GOSR2: variants seen among roughly 807,000 people sequenced by gnomAD.
GOSR2 encodes golgi SNAP receptor complex member 2, also known as 27 kDa Golgi SNARE protein.
A neutral mutation model predicts 27.9 loss-of-function variants in GOSR2; 20 were observed. The observed-to-expected ratio is 0.72, with a 90% confidence interval of 0.50 to 1.04. The LOEUF (loss-of-function observed/expected upper bound fraction) is 1.04, where lower values mean the gene tolerates loss of function less well. Among genes scored for constraint, GOSR2 ranks in the 50% least tolerant of loss-of-function variants. The probability of loss-of-function intolerance (pLI) is 0.00; values close to 1 mark genes in which losing one functional copy is unlikely to be tolerated. For missense variants in GOSR2, 261 were observed against 270.5 expected (o/e 0.97, Z 0.25); for synonymous variants, 91 against 98.8 (o/e 0.92, Z 0.47).
downstream of GOSR2, among the ~76,000 whole-genome samples, chr17:46,945,612 G>A (rs7222182): frequency 1.3e-5 from 2 of 152,166 alleles, no homozygotes; most frequent in Non-Finnish European, 2.9e-5. Context: ...GGGCTATGCA[G>A]AAGGGAAGCA....
chr17:46,944,158 A>G (rs2089621734), downstream of GOSR2, among the ~76,000 whole-genome samples: 2 of 152,198 alleles, frequency 1.3e-5, no homozygotes, highest in South Asian at 4.1e-4. Context: ...GGGGACATTC[A>G]TCTTTATTCC....
Position 46,941,394 on chromosome 17 carries a change from T to G in GOSR2, c.*2634T>G, listed in dbSNP as rs1000130393. The G allele has an allele frequency of 3.1e-6, 3 of 982,662 alleles. No homozygotes were observed. The highest frequency in any genetic ancestry group is 2.3e-4 in the East Asian group (2 of 8,796). 60.9% of individuals were successfully genotyped at this position (982,662 alleles called of 1,614,324 possible). On this transcript the variant is annotated 3_prime_UTR_variant, in exon 6 of 6. Coordinates refer to ENST00000640051, the MANE Select transcript of GOSR2 (RefSeq NM_004287.5). ...ATTTTGTAAAAGAATTCGATATTCATTTTTATAACTAATGGCCCCCTTTTT... is the reference window on the plus strand; with the variant it reads ...ATTTTGTAAAAGAATTCGATATTCAGTTTTATAACTAATGGCCCCCTTTTT...
chr17:46,924,782 G>C (rs2086240136), intron 1 of GOSR2, among the ~76,000 whole-genome samples: 1 of 152,186 alleles, frequency 6.6e-6, no homozygotes, highest in African/African-American at 2.4e-5. Flanking sequence ...GTAATTTAGA[G>C]AAAGAATGAA....
chr17:46,949,810 G>C (rs928021759), intron 6 of GOSR2, among the ~76,000 whole-genome samples: 1 of 152,182 alleles, frequency 6.6e-6, no homozygotes, highest in Non-Finnish European at 1.5e-5. Flanking sequence ...TCTAGCAAAG[G>C]GGTGTGCTCT....
At chr17:46,953,815 T>C (rs2090537014) in intron 6 of GOSR2, among the ~76,000 whole-genome samples, 3 of 152,360 alleles carry the variant, frequency 2.0e-5, no homozygotes, top group East Asian at 1.9e-4. Context: ...TTTCATGTGT[T>C]TCTTGGCTGC....
intron 6 of GOSR2, among the ~76,000 whole-genome samples, chr17:46,950,107 T>C (rs1209853613): frequency 6.6e-6 from 1 of 152,238 alleles, no homozygotes; most frequent in Non-Finnish European, 1.5e-5. Context: ...GAACCCACTT[T>C]CATATCATAG....
chr17:46,960,411 A>G lies in GOSR2; in HGVS notation c.584-6123A>G, dbSNP rs190864016. Among the ~76,000 whole-genome samples the G allele has an allele frequency of 6.6e-5, 10 of 152,344 alleles. No homozygotes were observed. In the East Asian group the frequency reaches 1.7e-3, roughly 26 times the overall value. ...GCTCACACATTGCTGGTGGAAATGC[A>G]AAATGGAACAGCCACTATGAAAAAC... On this transcript the variant is annotated intron_variant, in intron 6 of 6. Transcript: ENST00000573224.
Position 46,941,088 on chromosome 17 carries a change from G to T in GOSR2, c.*2328G>T, listed in dbSNP as rs1373365051. The T allele has an allele frequency of 8.6e-6, 9 of 1,051,688 alleles. No individual in the cohort carries two copies. Among genetic ancestry groups the T allele is most frequent in the Non-Finnish European group, 1.0e-5 (9 of 868,848 alleles). The allele number at this position is 1,051,688 out of a possible 1,614,324, so 65.1% of individuals were successfully genotyped here. A position where few individuals can be genotyped will look rare whatever the true frequency, so the allele number is the denominator to read the frequency against. ...CTCTGTGACCTTGTACATGAGTTTG[G>T]TGTGCCTATTGTGATTTAAAACAGG... On this transcript the variant is annotated 3_prime_UTR_variant, in exon 6 of 6. Coordinates refer to ENST00000640051, the MANE Select transcript of GOSR2 (RefSeq NM_004287.5).
chr17:46,932,182 C>T lies in GOSR2; in HGVS notation c.319C>T (p.Arg107Ter), dbSNP rs201616211. The T allele has an allele frequency of 1.2e-5, 19 of 1,614,118 alleles. No homozygotes were observed. In the East Asian group the frequency reaches 2.7e-4, roughly 23 times the overall value. Residue 107 changes from arginine (R) to a stop codon, truncating the protein, a stop_gained, in exon 4 of 6, where the codon CGA becomes TGA. Coordinates refer to ENST00000640051, the MANE Select transcript of GOSR2 (RefSeq NM_004287.5). LOFTEE classifies it high-confidence loss of function. The part of the protein sequence containing the change: ...QERQREELLS[R>*]TFTTNDSDTT... The stretch of plus-strand genomic sequence containing the variant: ...GAGACAGCGAGAAGAGCTTCTGTCT[C>T]GAACCTTCACCACTAACGTAAGCCA...
chr17:46,967,524 GAGA>G (rs1422452728), downstream of GOSR2, among the ~76,000 whole-genome samples: 6 of 152,342 alleles, frequency 3.9e-5, no homozygotes, highest in South Asian at 1.2e-3. Flanking sequence ...AAAGGGCGAA[GAGA>G]AGGAGAGAGG....
At chr17:46,943,347 C>CA (rs2089516321), downstream of GOSR2, among the ~76,000 whole-genome samples, 1 of 152,204 alleles carries the variant, frequency 6.6e-6, no homozygotes, top group Admixed American at 6.5e-5. Context: ...GCTGCCCCTG[C>CA]AGTGCAGCCC....
chr17:46,940,116 A>T lies in GOSR2; in HGVS notation c.*1356A>T. On this transcript the variant is annotated 3_prime_UTR_variant, in exon 6 of 6. Coordinates refer to ENST00000640051, the MANE Select transcript of GOSR2 (RefSeq NM_004287.5). ...TCCCTTCCTTTCTGTGTTCCTCTTCACCTCTCTTGTTCCCCTCCCCGCTGC... is the reference window on the plus strand; with the variant it reads ...TCCCTTCCTTTCTGTGTTCCTCTTCTCCTCTCTTGTTCCCCTCCCCGCTGC... 1 of 1,197,216 alleles carries T rather than the reference A, an allele frequency of 8.4e-7. No homozygotes were observed. The highest frequency in any genetic ancestry group is 4.3e-5 in the East Asian group (1 of 23,390). 74.2% of individuals were successfully genotyped at this position (1,197,216 alleles called of 1,614,324 possible). A position where few individuals can be genotyped will look rare whatever the true frequency, so the allele number is the denominator to read the frequency against.
chr17:46,954,418 A>ATGCTGT (rs2090573746), intron 6 of GOSR2, among the ~76,000 whole-genome samples: 1 of 152,214 alleles, frequency 6.6e-6, no homozygotes, highest in South Asian at 2.1e-4. Flanking sequence ...TACCAGTACC[A>ATGCTGT]TGCTGTTTTA....
intron 1 of GOSR2, chr17:46,923,897 T>C: frequency 5.0e-6 from 2 of 397,418 alleles, no homozygotes; most frequent in Non-Finnish European, 8.9e-6. Context: ...ACTTACCCTA[T>C]TTTTGGGGGC....
chr17:46,930,854 C>T (rs2087256290), intron 2 of GOSR2: 29 of 438,882 alleles, frequency 6.6e-5, no homozygotes, highest in Admixed American at 1.1e-4. Context: ...ACAGATTTAC[C>T]TTCAGCTTTT....
At chr17:46,930,445 G>A (rs994435799) in intron 2 of GOSR2, 2 of 152,140 alleles carry the variant, frequency 1.3e-5, no homozygotes, top group African/African-American at 4.8e-5. Context: ...CTGTCTTATC[G>A]AAAGGGATAG....
At chr17:46,958,049 T>A (rs1750303072) in intron 6 of GOSR2, among the ~76,000 whole-genome samples, 1 of 152,178 alleles carries the variant, frequency 6.6e-6, no homozygotes, top group South Asian at 2.1e-4. Flanking sequence ...TGCTGCCAAA[T>A]GTCACTGGCC....
chr17:46,949,304 A>G (rs1463436562), intron 6 of GOSR2: 2 of 152,372 alleles, frequency 1.3e-5, no homozygotes, highest in Non-Finnish European at 2.9e-5. Context: ...CGGCTTCTCC[A>G]TGGGACCAGG....
chr17:46,967,260 A>G (rs2091344552), downstream of GOSR2, among the ~76,000 whole-genome samples: 1 of 152,334 alleles, frequency 6.6e-6, no homozygotes, highest in African/African-American at 2.4e-5. Context: ...CAGCTCTGCC[A>G]CTTATTGGCT....
Sources: allele counts gnomAD v4.1 joint callset (sites outside exome capture counted in the v4.1 genomes callset), GRCh38; gene constraint gnomAD v4.1.1; transcripts MANE v1.5; gene names NCBI Gene and HGNC (gene_info 2026-07-23, HGNC 2026-07-21).